The following BCL2 variants were observed in gnomAD, a reference collection of about 807,000 sequenced individuals.
BCL2 encodes BCL2 apoptosis regulator, also known as apoptosis regulator Bcl-2.
BCL2 carries 1 observed loss-of-function variant against 14.2 expected under a neutral mutation model. The ratio of observed to expected loss-of-function variants is 0.07; its 90% CI spans 0.02 to 0.33. The LOEUF (loss-of-function observed/expected upper bound fraction) is 0.33, where lower values mean the gene tolerates loss of function less well. Among genes scored for constraint, BCL2 ranks in the 10% least tolerant of loss-of-function variants. The probability of loss-of-function intolerance (pLI) is 0.99; values close to 1 mark genes in which losing one functional copy is unlikely to be tolerated. For synonymous variants in BCL2, 151 were observed against 137.2 expected, an observed-to-expected ratio of 1.10 and a Z score of -0.70; for missense variants, 247 against 305.9, an observed-to-expected ratio of 0.81 and a Z score of 1.44.
chr18:63,243,666 C>G (rs917638142), intron 2 of BCL2, among the ~76,000 whole-genome samples: 1 of 152,158 alleles, frequency 6.6e-6, no homozygotes, highest in African/African-American at 2.4e-5. Flanking sequence ...GGAAATCGAG[C>G]ATGGGAATCT....
chr18:63,280,371 C>T (rs1912276080), intron 2 of BCL2, among the ~76,000 whole-genome samples: 2 of 152,144 alleles, frequency 1.3e-5, no homozygotes, highest in South Asian at 4.1e-4. Context: ...ATATAAAGCA[C>T]CTAGTAGAAC....
chr18:63,132,785 T>C (rs929687282), intron 2 of BCL2, among the ~76,000 whole-genome samples: 2 of 152,212 alleles, frequency 1.3e-5, no homozygotes, highest in African/African-American at 4.8e-5. Flanking sequence ...TCATTATTTG[T>C]TTGAGTTTGA....
At chr18:63,214,695 T>TTTA (rs1599249900) in intron 2 of BCL2, among the ~76,000 whole-genome samples, 13 of 151,904 alleles carry the variant, frequency 8.6e-5, no homozygotes, top group South Asian at 4.2e-4. Context: ...TTCTTTTCTT[T>TTTA]TTTATTTATT....
chr18:63,247,109 T>A (rs765370992), intron 2 of BCL2, among the ~76,000 whole-genome samples: 1 of 152,064 alleles, frequency 6.6e-6, no homozygotes, highest in Admixed American at 6.6e-5. Context: ...AAGAGATCAG[T>A]AGGCAGGTAG....
intron 2 of BCL2, among the ~76,000 whole-genome samples, chr18:63,183,979 C>A (rs1027364416): frequency 1.3e-5 from 2 of 152,172 alleles, no homozygotes; most frequent in Non-Finnish European, 2.9e-5. Context: ...ACATACCATC[C>A]CCAGGACCAC....
chr18:63,170,229 G>C (rs371254920), intron 2 of BCL2, among the ~76,000 whole-genome samples: 1 of 152,084 alleles, frequency 6.6e-6, no homozygotes, highest in Admixed American at 6.5e-5. Context: ...TTAAAACAGT[G>C]ACGGGCACAT....
intron 2 of BCL2, among the ~76,000 whole-genome samples, chr18:63,169,600 G>A (rs909259926): frequency 7.4e-5 from 11 of 149,356 alleles, no homozygotes; most frequent in African/African-American, 2.5e-4. Flanking sequence ...TTGGCTCACT[G>A]CAACCTCCAC....
intron 2 of BCL2, among the ~76,000 whole-genome samples, chr18:63,228,547 C>G (rs2127872): frequency 0.94 from 143,668 of 152,226 alleles, 68,142 homozygotes; most frequent in Non-Finnish European, 0.98. Flanking sequence ...TATAAGATCT[C>G]TCAGATCCAA....
At chr18:63,192,920 C>T (rs142753205) in intron 2 of BCL2, among the ~76,000 whole-genome samples, 97 of 152,262 alleles carry the variant, frequency 6.4e-4, no homozygotes, top group African/African-American at 2.2e-3. Flanking sequence ...ATTCTGAATG[C>T]GTTTCATCAA....
chr18:63,242,385 G>A (rs1176008618), intron 2 of BCL2, among the ~76,000 whole-genome samples: 1 of 152,174 alleles, frequency 6.6e-6, no homozygotes, highest in Admixed American at 6.5e-5. Context: ...GAGAAATCAG[G>A]GAACACATGA....
At chr18:63,148,813 T>C (rs1205478231) in intron 2 of BCL2, among the ~76,000 whole-genome samples, 1 of 152,142 alleles carries the variant, frequency 6.6e-6, no homozygotes, top group Non-Finnish European at 1.5e-5. Context: ...ATATAGATCA[T>C]CTAGTGTGGT....
At chr18:63,159,899 A>G (rs1449631302) in intron 2 of BCL2, among the ~76,000 whole-genome samples, 1 of 152,120 alleles carries the variant, frequency 6.6e-6, no homozygotes, top group African/African-American at 2.4e-5. Context: ...GCCAACTCGA[A>G]TCGTTTTCAG....
chr18:63,145,426 C>T (rs1031485353), intron 2 of BCL2, among the ~76,000 whole-genome samples: 6 of 152,330 alleles, frequency 3.9e-5, no homozygotes, highest in East Asian at 1.9e-4. Flanking sequence ...GCCGCTCGCC[C>T]CACTGCCCCG....
At chr18:63,204,556 T>C (rs2144667255) in intron 2 of BCL2, among the ~76,000 whole-genome samples, 1 of 152,150 alleles carries the variant, frequency 6.6e-6, no homozygotes, top group South Asian at 2.1e-4. Flanking sequence ...TATGAACAAA[T>C]CCAGGCAAAA....
chr18:63,135,887 T>G (rs1242369067), intron 2 of BCL2, among the ~76,000 whole-genome samples: 1 of 152,168 alleles, frequency 6.6e-6, no homozygotes, highest in Non-Finnish European at 1.5e-5. Context: ...TCAGTCTGGC[T>G]TCTTCCTATA....
At chr18:63,230,813 G>A (rs1364301192) in intron 2 of BCL2, among the ~76,000 whole-genome samples, 1 of 151,780 alleles carries the variant, frequency 6.6e-6, no homozygotes, top group African/African-American at 2.4e-5. Flanking sequence ...TATGAGTTCA[G>A]TCTAAACCTA....
At chr18:63,273,218 T>C (rs1912052663) in intron 2 of BCL2, among the ~76,000 whole-genome samples, 1 of 152,182 alleles carries the variant, frequency 6.6e-6, no homozygotes. Flanking sequence ...CTTGGTTAGG[T>C]CTTCCAGCAA....
chr18:63,279,217 T>A (rs1229455703), intron 2 of BCL2, among the ~76,000 whole-genome samples: 1 of 152,174 alleles, frequency 6.6e-6, no homozygotes, highest in Non-Finnish European at 1.5e-5. Flanking sequence ...ATTAAGAAAT[T>A]CTTTTCATCA....
intron 2 of BCL2, among the ~76,000 whole-genome samples, chr18:63,202,126 T>C (rs1450938923): frequency 6.6e-6 from 1 of 152,048 alleles, no homozygotes; most frequent in Non-Finnish European, 1.5e-5. Flanking sequence ...CTGGCGAACA[T>C]GGTGAAACCC....
Sources: gnomAD v4.1 joint callset for allele counts (sites outside exome capture counted in the v4.1 genomes callset) on GRCh38, gnomAD v4.1.1 for gene constraint, MANE v1.5 for transcripts, NCBI Gene and HGNC (gene_info 2026-07-23, HGNC 2026-07-21) for gene names.